Variants in SERINC5 observed in about 807,000 individuals in gnomAD.
SERINC5 encodes serine incorporator 5.
A neutral mutation model predicts 63.1 loss-of-function variants in SERINC5; 41 were observed. The observed-to-expected ratio is 0.65, with a 90% confidence interval of 0.51 to 0.84. The LOEUF (loss-of-function observed/expected upper bound fraction) is 0.84, where lower values mean the gene tolerates loss of function less well. Among genes scored for constraint, SERINC5 ranks in the 40% least tolerant of loss-of-function variants. The probability of loss-of-function intolerance (pLI) is 0.00; values close to 1 mark genes in which losing one functional copy is unlikely to be tolerated. For missense variants in SERINC5, 523 were observed against 573.0 expected (o/e 0.91, Z 0.89); for synonymous variants, 222 against 215.2 (o/e 1.03, Z -0.28).
intron 1 of SERINC5, among the ~76,000 whole-genome samples, chr5:80,240,237 T>C (rs1751890069): frequency 6.6e-6 from 1 of 152,158 alleles, no homozygotes; most frequent in Non-Finnish European, 1.5e-5. Context: ...CAAACACATT[T>C]GATGTTACAA....
chr5:80,147,206 G>T, intron 10 of SERINC5, 39 bp downstream of exon 10: 1 of 1,566,066 alleles, frequency 6.4e-7, no homozygotes, highest in South Asian at 1.2e-5. Context: ...TAGGTCTGCA[G>T]TGCCACACAG....
chr5:80,216,769 G>C (rs1750685881), intron 1 of SERINC5, among the ~76,000 whole-genome samples: 2 of 152,220 alleles, frequency 1.3e-5, no homozygotes, highest in South Asian at 4.1e-4. Context: ...CCAGCACTTT[G>C]GGAGGCCGAG....
intron 1 of SERINC5, among the ~76,000 whole-genome samples, chr5:80,205,541 C>T (rs1750113266): frequency 6.6e-6 from 1 of 152,190 alleles, no homozygotes; most frequent in Admixed American, 6.5e-5. Context: ...ACCAGAGTTT[C>T]ATGTCCCAAA....
chr5:80,255,651 G>A (rs770435024), intron 1 of SERINC5, among the ~76,000 whole-genome samples: 3 of 152,172 alleles, frequency 2.0e-5, no homozygotes, highest in Non-Finnish European at 4.4e-5. Context: ...GCTCCACGCG[G>A]AGTCCCGGAG....
At chr5:80,203,822 T>G (rs923564118) in intron 1 of SERINC5, among the ~76,000 whole-genome samples, 4 of 152,154 alleles carry the variant, frequency 2.6e-5, no homozygotes, top group Non-Finnish European at 5.9e-5. Flanking sequence ...GGTCCCTAGA[T>G]AGCTTCAGGA....
At chr5:80,176,782 T>C (rs1748059713) in intron 4 of SERINC5, among the ~76,000 whole-genome samples, 1 of 152,154 alleles carries the variant, frequency 6.6e-6, no homozygotes, top group Non-Finnish European at 1.5e-5. Flanking sequence ...CCATTTGGGT[T>C]GAACAAAATG....
chr5:80,179,211 A>G (rs1046178206), intron 2 of SERINC5, among the ~76,000 whole-genome samples: 23 of 152,148 alleles, frequency 1.5e-4, no homozygotes, highest in African/African-American at 4.3e-4. Flanking sequence ...AGGCAGGAGA[A>G]CTGCTTGAAC....
At chr5:80,162,965 G>C (rs763967489) in intron 7 of SERINC5, among the ~76,000 whole-genome samples, 1 of 151,748 alleles carries the variant, frequency 6.6e-6, no homozygotes, top group Non-Finnish European at 1.5e-5. Context: ...TGATTCTCCT[G>C]TCTCAGCCTC....
At chr5:80,206,071 A>G (rs1333534271) in intron 1 of SERINC5, among the ~76,000 whole-genome samples, 1 of 152,092 alleles carries the variant, frequency 6.6e-6, no homozygotes, top group African/African-American at 2.4e-5. Flanking sequence ...ATCAGACACA[A>G]CTGGCACCAG....
chr5:80,164,386 T>G (rs1484286438), intron 7 of SERINC5, among the ~76,000 whole-genome samples: 1 of 151,984 alleles, frequency 6.6e-6, no homozygotes, highest in Non-Finnish European at 1.5e-5. Context: ...TTTTATTTTA[T>G]TTTTTTGAGA....
At chr5:80,219,505 G>A (rs1240987076) in intron 1 of SERINC5, among the ~76,000 whole-genome samples, 1 of 152,022 alleles carries the variant, frequency 6.6e-6, no homozygotes, top group African/African-American at 2.4e-5. Flanking sequence ...ACAAATAGCC[G>A]CTGTTCATTG....
Position 80,142,184 on chromosome 5 carries a change from T to C in SERINC5, c.*1479A>G, listed in dbSNP as rs1453621468. ...CAGGAGTTTCCACCAAGTAAACCTT[T>C]TCCCTGCCTGAATACATCAACACTG... On this transcript the variant is annotated 3_prime_UTR_variant, in exon 12 of 12. Coordinates refer to ENST00000507668, the MANE Select transcript of SERINC5 (RefSeq NM_001174072.3). 1 of 985,308 alleles carries C rather than the reference T, an allele frequency of 1.0e-6. No individual in the cohort carries two copies. The highest frequency in any genetic ancestry group is 1.7e-5 in the African/African-American group (1 of 57,236). 61.0% of individuals were successfully genotyped at this position (985,308 alleles called of 1,614,324 possible).
At chr5:80,115,191 TG>T (rs1744284023) in intron 11 of SERINC5, among the ~76,000 whole-genome samples, 1 of 151,990 alleles carries the variant, frequency 6.6e-6, no homozygotes, top group Non-Finnish European at 1.5e-5. Context: ...ACTATAAAAA[TG>T]GGTGGGGAGA....
chr5:80,231,912 G>A (rs141539684), intron 1 of SERINC5, among the ~76,000 whole-genome samples: 104 of 151,608 alleles, frequency 6.9e-4, no homozygotes, highest in African/African-American at 2.2e-3. Context: ...ACCAGCCTGG[G>A]CAACATAGTG....
chr5:80,147,148 A>G, intron 10 of SERINC5, 97 bp downstream of exon 10: 2 of 1,106,218 alleles, frequency 1.8e-6, no homozygotes, highest in East Asian at 2.6e-5. Context: ...TCTCCTTACT[A>G]TTCAAGTTAT....
intron 1 of SERINC5, among the ~76,000 whole-genome samples, chr5:80,238,640 G>A (rs1037262389): frequency 3.3e-5 from 5 of 151,890 alleles, no homozygotes. Context: ...AAAATTTGCT[G>A]GGCGTGATGG....
intron 1 of SERINC5, among the ~76,000 whole-genome samples, chr5:80,218,376 A>C (rs966709461): frequency 6.6e-6 from 1 of 152,312 alleles, no homozygotes; most frequent in South Asian, 2.1e-4. Flanking sequence ...CCCCATCTCT[A>C]CTAAAAATAC....
intron 1 of SERINC5, among the ~76,000 whole-genome samples, chr5:80,215,033 A>T (rs1750602823): frequency 6.6e-6 from 1 of 152,260 alleles, no homozygotes; most frequent in African/African-American, 2.4e-5. Flanking sequence ...ATTTGAAGCA[A>T]TTAAAAATAA....
At chr5:80,254,621 C>T (rs142079941) in intron 1 of SERINC5, among the ~76,000 whole-genome samples, 84 of 152,260 alleles carry the variant, frequency 5.5e-4, no homozygotes, top group African/African-American at 1.8e-3. Flanking sequence ...ATTTGCAGAG[C>T]TTTCTGAAAA....
Sources: gnomAD v4.1 joint callset for allele counts (sites outside exome capture counted in the v4.1 genomes callset) on GRCh38, gnomAD v4.1.1 for gene constraint, MANE v1.5 for transcripts, NCBI Gene and HGNC (gene_info 2026-07-23, HGNC 2026-07-21) for gene names.